The following PHKA1 variants were observed in gnomAD, a reference collection of about 807,000 sequenced individuals.
PHKA1 encodes the protein phosphorylase b kinase regulatory subunit alpha, skeletal muscle isoform.
Under a neutral mutation model 110.2 loss-of-function variants are expected in PHKA1, and 60 were observed. The observed-to-expected ratio is 0.54, with a 90% CI of 0.44 to 0.68. PHKA1 has a LOEUF of 0.68. PHKA1 is among the 30% of genes least tolerant of loss of function. PHKA1 has a pLI of 0.00. For missense variants in PHKA1, 801 were observed against 942.5 expected, an observed-to-expected ratio of 0.85 and a Z score of 1.97; for synonymous variants, 316 against 333.6, an observed-to-expected ratio of 0.95 and a Z score of 0.58.
chrX:72,657,851 T>C (rs941458733), intron 8 of PHKA1, among the ~76,000 whole-genome samples: 6 of 111,651 alleles, frequency 5.4e-5, no homozygotes, highest in African/African-American at 2.0e-4. Context: ...CAATGTGATT[T>C]CAAGTGAAGG....
chrX:72,604,630 G>A (rs2052702696), intron 25 of PHKA1, among the ~76,000 whole-genome samples: 1 of 111,305 alleles, frequency 9.0e-6, no homozygotes. Flanking sequence ...ATCCCTATCT[G>A]TATTATTTTG....
At chrX:72,588,999 T>C (rs1437624840) in intron 29 of PHKA1, among the ~76,000 whole-genome samples, 2 of 111,547 alleles carry the variant, frequency 1.8e-5, no homozygotes, top group Non-Finnish European at 3.8e-5. Context: ...CTACCAGAGG[T>C]ACAGAGAGGA....
At chrX:72,674,522 C>T (rs1392881073) in intron 6 of PHKA1, among the ~76,000 whole-genome samples, 3 of 111,813 alleles carry the variant, frequency 2.7e-5, no homozygotes, top group Non-Finnish European at 5.6e-5. Flanking sequence ...GATGGTATCT[C>T]ACTATGGTTT....
At chrX:72,685,509 G>A (rs1479375046) in intron 4 of PHKA1, among the ~76,000 whole-genome samples, 1 of 111,560 alleles carries the variant, frequency 9.0e-6, no homozygotes, top group Non-Finnish European at 1.9e-5. Flanking sequence ...GTAATTTAAA[G>A]TTATATTAAA....
At position 72,593,160 on chromosome X, in the gene PHKA1, C is replaced by T; in HGVS notation, c.3187G>A (p.Ala1063Thr). 8.4e-7 allele frequency: 1 copy of T among 1,196,955 alleles called. No homozygotes were observed. The highest frequency in any genetic ancestry group is 1.8e-5 in the South Asian group (1 of 56,639). Residue 1063 changes from alanine (A) to threonine (T), a missense_variant, in exon 29 of 32, where the codon GCA becomes ACA. Transcript: ENST00000373542. ...AATCCAACTGGAACTCTATTCAGTG[C>T]CCCATCCAGCCTTCTTCGGCGTTGC... ...QWQRRRRLDGALNRVPVGFYQ... is the reference protein window; with the variant it reads ...QWQRRRRLDGTLNRVPVGFYQ...
intron 1 of PHKA1, 103 bp downstream of exon 1, chrX:72,713,700 A>ACCCC: frequency 1.6e-6 from 1 of 621,769 alleles, no homozygotes; most frequent in Non-Finnish European, 2.6e-6. Context: ...ACACACACAC[A>ACCCC]CCCACACACG....
chrX:72,700,437 G>A (rs782809463), intron 3 of PHKA1, among the ~76,000 whole-genome samples: 3 of 112,148 alleles, frequency 2.7e-5, no homozygotes, highest in Non-Finnish European at 5.6e-5. Flanking sequence ...AAATTATACA[G>A]GAAGCACTGT....
At chrX:72,607,745 G>A (rs1405926554) in intron 23 of PHKA1, among the ~76,000 whole-genome samples, 3 of 111,677 alleles carry the variant, frequency 2.7e-5, no homozygotes, top group African/African-American at 9.8e-5. Context: ...AATTTCTCAT[G>A]CAGTTTTAAG....
intron 5 of PHKA1, among the ~76,000 whole-genome samples, chrX:72,683,239 A>G (rs1183132373): frequency 8.9e-6 from 1 of 111,760 alleles, no homozygotes; most frequent in East Asian, 2.8e-4. Flanking sequence ...GGAGTTTGAG[A>G]CCTGCCTGGG....
chrX:72,668,245 A>AGGCTCATT (rs1403945468), intron 6 of PHKA1, among the ~76,000 whole-genome samples: 10 of 112,064 alleles, frequency 8.9e-5, no homozygotes, highest in African/African-American at 3.2e-4. Context: ...GGCATACGGT[A>AGGCTCATT]GGCTCTCAAT....
chrX:72,615,579 C>A (rs2052880817), intron 21 of PHKA1, among the ~76,000 whole-genome samples: 1 of 108,765 alleles, frequency 9.2e-6, no homozygotes, highest in Non-Finnish European at 1.9e-5. Context: ...CTCATGGTAA[C>A]CACAATGCAA....
chrX:72,615,691 AAAGG>A (rs1228669026), intron 21 of PHKA1, among the ~76,000 whole-genome samples: 3 of 99,934 alleles, frequency 3.0e-5, no homozygotes, highest in African/African-American at 1.1e-4. Context: ...GAGAAATAAA[AAAGG>A]AAGGAAGGAA....
At chrX:72,623,470 G>A in intron 17 of PHKA1, among the ~76,000 whole-genome samples, 195 bp from the exon 18 acceptor site, 1 of 111,337 alleles carries the variant, frequency 9.0e-6, no homozygotes, top group South Asian at 3.8e-4. Flanking sequence ...TTAGGGGACT[G>A]TATTAATAAA....
chrX:72,583,119 AT>A (rs1395471276), intron 30 of PHKA1, among the ~76,000 whole-genome samples: 2 of 111,934 alleles, frequency 1.8e-5, no homozygotes, highest in African/African-American at 6.5e-5. Flanking sequence ...ATGTAAAGTT[AT>A]TTTGGGGTGA....
rs1012286345 is a variant in PHKA1 at position 72,707,658 on chromosome X, T to C, written c.238-2413A>G. Among the ~76,000 whole-genome samples the C allele has an allele frequency of 7.3e-5, 8 of 109,140 alleles. No individual in the cohort carries two copies. In the Admixed American group the frequency reaches 7.9e-4, roughly 11 times the overall value. The allele number at this position is 109,140 out of a possible 115,157, so 94.8% of individuals were successfully genotyped here. On this transcript the variant is annotated intron_variant, in intron 2 of 31. Transcript: ENST00000373542. Reference sequence around the variant, plus strand: ...GTGTGTGTGTGTGTGTGTGTGTGTGTGTGTGTGTGGAGGGGTGGGTACGCA... The same window carrying C: ...GTGTGTGTGTGTGTGTGTGTGTGTGCGTGTGTGTGGAGGGGTGGGTACGCA...
chrX:72,580,696 C>T lies in PHKA1; in HGVS notation c.*306G>A, dbSNP rs922274089. On this transcript the variant is annotated 3_prime_UTR_variant, in exon 32 of 32. Coordinates refer to ENST00000373542, the MANE Select transcript of PHKA1 (RefSeq NM_002637.4). ...TTAGAAAACTATATTGGTAACAGAT[C>T]TAGAGAATAAAAACACATGCAAACT... 2 of 350,729 alleles carry T rather than the reference C, an allele frequency of 5.7e-6. No homozygotes were observed. Among genetic ancestry groups the T allele is most frequent in the African/African-American group, 5.2e-5 (2 of 38,749 alleles). 28.9% of individuals were successfully genotyped at this position (350,729 alleles called of 1,213,427 possible). A position where few individuals can be genotyped will look rare whatever the true frequency, so the allele number is the denominator to read the frequency against.
intron 16 of PHKA1, among the ~76,000 whole-genome samples, chrX:72,632,600 T>C (rs1214586811): frequency 1.8e-5 from 2 of 111,900 alleles, no homozygotes; most frequent in African/African-American, 6.5e-5. Context: ...ATTTATGTAT[T>C]ATTTTTGCTC....
intron 22 of PHKA1, 58 bp downstream of exon 22, chrX:72,610,970 C>A: frequency 3.1e-6 from 3 of 976,553 alleles, no homozygotes; most frequent in Non-Finnish European, 4.3e-6. Flanking sequence ...ATTATAGAAA[C>A]CAATTTTTAA....
At chrX:72,581,289 G>A (rs1368556010) in intron 31 of PHKA1, 114 bp from the exon 32 acceptor site, 1 of 526,253 alleles carries the variant, frequency 1.9e-6, no homozygotes, top group Non-Finnish European at 3.4e-6. Flanking sequence ...CAATTAGTTG[G>A]GCCCTAGACT....
Sources: gnomAD v4.1 joint callset for allele counts (sites outside exome capture counted in the v4.1 genomes callset) on GRCh38, gnomAD v4.1.1 for gene constraint, MANE v1.5 for transcripts, NCBI Gene and HGNC (gene_info 2026-07-23, HGNC 2026-07-21) for gene names.